Variants in SLC44A1 observed in about 807,000 individuals in gnomAD.
SLC44A1 encodes the protein choline transporter-like protein 1.
Under a neutral mutation model 79.3 loss-of-function variants are expected in SLC44A1, and 26 were observed. The ratio of observed to expected loss-of-function variants is 0.33; its 90% CI spans 0.24 to 0.46. The LOEUF is 0.46. SLC44A1 is among the 20% of genes least tolerant of loss of function. The probability of loss-of-function intolerance (pLI) is 1.00; values close to 1 mark genes in which losing one functional copy is unlikely to be tolerated. For missense variants in SLC44A1, 688 were observed against 798.1 expected, an observed-to-expected ratio of 0.86 and a Z score of 1.66; for synonymous variants, 263 against 286.2, an observed-to-expected ratio of 0.92 and a Z score of 0.82.
At chr9:105,324,483 C>T (rs1252579267) in intron 3 of SLC44A1, among the ~76,000 whole-genome samples, 1 of 151,812 alleles carries the variant, frequency 6.6e-6, no homozygotes, top group African/African-American at 2.4e-5. Flanking sequence ...AAACTCCTGG[C>T]CTCAAGCAAT....
At chr9:105,328,553 A>T (rs1826653474) in intron 3 of SLC44A1, among the ~76,000 whole-genome samples, 2 of 152,128 alleles carry the variant, frequency 1.3e-5, no homozygotes, top group African/African-American at 4.8e-5. Context: ...GAGGTTAGAG[A>T]GGTGCACATT....
intron 3 of SLC44A1, among the ~76,000 whole-genome samples, chr9:105,334,629 C>T (rs1826854802): frequency 6.6e-6 from 1 of 152,134 alleles, no homozygotes. Context: ...CCTTCTTGTA[C>T]TCCCTTCCTT....
intron 1 of SLC44A1, among the ~76,000 whole-genome samples, chr9:105,284,424 C>T (rs1433083895): frequency 2.0e-5 from 3 of 152,028 alleles, no homozygotes; most frequent in Non-Finnish European, 4.4e-5. Flanking sequence ...TGCCTTGTCA[C>T]GTGAGTCCTT....
chr9:105,244,974 C>G, intron 1 of SLC44A1, 70 bp downstream of exon 1: 1 of 775,908 alleles, frequency 1.3e-6, no homozygotes, highest in African/African-American at 1.9e-5. Flanking sequence ...GGCGGGCGCC[C>G]GCCGCCCGAT....
intron 1 of SLC44A1, among the ~76,000 whole-genome samples, chr9:105,264,274 C>T (rs1256994292): frequency 6.6e-6 from 1 of 152,140 alleles, no homozygotes; most frequent in East Asian, 1.9e-4. Flanking sequence ...AGTGATCCTC[C>T]CACCTCAGCC....
chr9:105,299,281 T>A lies in SLC44A1; in HGVS notation c.98T>A (p.Leu33Gln), dbSNP rs1564423188. The change falls in exon 2 of 16, where the codon CTG (leucine) becomes CAG (glutamine). Residue 33 changes from leucine to glutamine, a missense_variant. Transcript: ENST00000374720. ...AGCTGCACAGACATACCATGGCTGC[T>A]GCTCTTCATCCTCTTCTGCATTGGG... The part of the protein sequence containing the change: ...DRSCTDIPWL[L>Q]LFILFCIGMG... 6.3e-7 allele frequency: 1 copy of A among 1,595,398 alleles called. No individual in the cohort carries two copies. Among genetic ancestry groups the A allele is most frequent in the Non-Finnish European group, 8.5e-7 (1 of 1,173,770 alleles).
chr9:105,436,906 G>A (rs1829469856), intron 15 of SLC44A1, among the ~76,000 whole-genome samples: 1 of 152,076 alleles, frequency 6.6e-6, no homozygotes, highest in Non-Finnish European at 1.5e-5. Flanking sequence ...AGCCTCTTGT[G>A]GAGACAGATG....
chr9:105,359,793 T>G (rs181509947), intron 7 of SLC44A1, among the ~76,000 whole-genome samples: 45 of 152,352 alleles, frequency 3.0e-4, no homozygotes, highest in African/African-American at 1.1e-3. Context: ...TCCCTTGCTC[T>G]AAAATGTTTT....
Position 105,395,875 on chromosome 9 carries a change from C to T in SLC44A1, c.*6819C>T. 6.1e-6 allele frequency: 6 copies of T among 981,348 alleles called. No individual in the cohort carries two copies. Among genetic ancestry groups the T allele is most frequent in the Non-Finnish European group, 6.0e-6 (5 of 828,018 alleles). The allele number at this position is 981,348 out of a possible 1,614,324, so 60.8% of individuals were successfully genotyped here. On this transcript the variant is annotated 3_prime_UTR_variant, in exon 16 of 16. Coordinates refer to ENST00000374720, the MANE Select transcript of SLC44A1 (RefSeq NM_080546.5). The stretch of plus-strand genomic sequence containing the variant: ...AAAATGTGAGCTCCTTCTTCATTTA[C>T]CATGTTGATAATCCGGTGGTGACTT...
intron 3 of SLC44A1, among the ~76,000 whole-genome samples, chr9:105,327,877 T>A (rs1826629377): frequency 6.6e-6 from 1 of 150,872 alleles, no homozygotes; most frequent in African/African-American, 2.4e-5. Flanking sequence ...TTTGTAATTG[T>A]CTTCTTACTC....
At chr9:105,377,121 G>A (rs1828314256) in intron 13 of SLC44A1, among the ~76,000 whole-genome samples, 1 of 152,088 alleles carries the variant, frequency 6.6e-6, no homozygotes, top group African/African-American at 2.4e-5. Context: ...TTTATATAGT[G>A]ACCAATTGTA....
intron 12 of SLC44A1, among the ~76,000 whole-genome samples, chr9:105,371,860 C>G (rs1828115434): frequency 6.6e-6 from 1 of 152,024 alleles, no homozygotes; most frequent in Non-Finnish European, 1.5e-5. Context: ...GGGAACCAAT[C>G]TGTGTTCTTT....
chr9:105,419,706 G>A (rs1281837862), intron 15 of SLC44A1, among the ~76,000 whole-genome samples: 1 of 152,096 alleles, frequency 6.6e-6, no homozygotes, highest in Non-Finnish European at 1.5e-5. Context: ...CCTGAGGTCA[G>A]GAGTTCGAGA....
At chr9:105,336,043 G>C (rs1826907631) in intron 4 of SLC44A1, among the ~76,000 whole-genome samples, 1 of 151,770 alleles carries the variant, frequency 6.6e-6, no homozygotes, top group Non-Finnish European at 1.5e-5. Flanking sequence ...CCAAGTATTG[G>C]TTAAAAGTAT....
At chr9:105,273,928 T>C (rs1277841404) in intron 1 of SLC44A1, among the ~76,000 whole-genome samples, 1 of 152,200 alleles carries the variant, frequency 6.6e-6, no homozygotes, top group East Asian at 1.9e-4. Flanking sequence ...TGTTGTCTTC[T>C]GCTTTTACAC....
At chr9:105,347,487 G>A (rs1317634349) in intron 4 of SLC44A1, among the ~76,000 whole-genome samples, 1 of 151,892 alleles carries the variant, frequency 6.6e-6, no homozygotes, top group Admixed American at 6.6e-5. Context: ...AAAATAAGAT[G>A]TATATTGGAT....
chr9:105,291,831 C>G (rs75690841), intron 1 of SLC44A1, among the ~76,000 whole-genome samples: 1 of 152,150 alleles, frequency 6.6e-6, no homozygotes, highest in East Asian at 1.9e-4. Context: ...CTTAACTCTC[C>G]TTACTAGTGA....
In SLC44A1 at chr9:105,336,657, A is replaced by G. The variant is rs1267832721; in HGVS notation, c.406+958A>G. Among the ~76,000 whole-genome samples the G allele has an allele frequency of 5.9e-5, 9 of 152,308 alleles. No individual in the cohort carries two copies. In the East Asian group the frequency reaches 1.7e-3, roughly 29 times the overall value. ...AACGACCCAGGTATCCAGTGGGTAC[A>G]ACTTCTAGCTGGGTGGACAGACAGC... On this transcript the variant is annotated intron_variant, in intron 4 of 15. Coordinates refer to ENST00000374720, the MANE Select transcript of SLC44A1 (RefSeq NM_080546.5).
At chr9:105,285,636 A>G (rs578095625) in intron 1 of SLC44A1, among the ~76,000 whole-genome samples, 33 of 152,124 alleles carry the variant, frequency 2.2e-4, no homozygotes, top group Non-Finnish European at 4.6e-4. Context: ...TGGAATTAGG[A>G]GCAACGTTTT....
Sources: allele counts gnomAD v4.1 joint callset (sites outside exome capture counted in the v4.1 genomes callset), GRCh38; gene constraint gnomAD v4.1.1; transcripts MANE v1.5; gene names NCBI Gene and HGNC (gene_info 2026-07-23, HGNC 2026-07-21).